PPARGC1A: variants seen among roughly 807,000 people sequenced by gnomAD.
The protein encoded by PPARGC1A is PPARG coactivator 1 alpha.
PPARGC1A carries 25 observed loss-of-function variants against 88.7 expected under a neutral mutation model. That is an observed-to-expected ratio of 0.28 (90% CI 0.21 to 0.39). The LOEUF (loss-of-function observed/expected upper bound fraction) is 0.39, where lower values mean the gene tolerates loss of function less well. Among genes scored for constraint, PPARGC1A ranks in the 10% least tolerant of loss-of-function variants. The pLI, the probability that PPARGC1A is intolerant of heterozygous loss-of-function variation, is 1.00. For synonymous variants in PPARGC1A, 363 were observed against 355.6 expected, an observed-to-expected ratio of 1.02 and a Z score of -0.24; for missense variants, 880 against 968.7, an observed-to-expected ratio of 0.91 and a Z score of 1.22.
chr4:24,088,404 A>C, the PPARGC1A span, among the ~76,000 whole-genome samples: 1 of 151,986 alleles, frequency 6.6e-6, no homozygotes, highest in Non-Finnish European at 1.5e-5. Flanking sequence ...AGAAGAAGGA[A>C]AAAAGGAAGC....
At chr4:24,446,023 G>A in the PPARGC1A span, among the ~76,000 whole-genome samples, 8 of 152,022 alleles carry the variant, frequency 5.3e-5, no homozygotes, top group South Asian at 2.1e-4. Flanking sequence ...CGGAGATCAC[G>A]TCATTGCACT....
intron 2 of PPARGC1A, among the ~76,000 whole-genome samples, chr4:23,854,914 C>T (rs756095899): frequency 8.5e-5 from 13 of 152,142 alleles, no homozygotes; most frequent in Non-Finnish European, 1.8e-4. Flanking sequence ...AAGTGATATC[C>T]TCACCCACTG....
the PPARGC1A span, among the ~76,000 whole-genome samples, chr4:24,252,977 T>C: frequency 1.3e-5 from 2 of 152,194 alleles, no homozygotes; most frequent in African/African-American, 4.8e-5. Context: ...CAGTGAATAT[T>C]CCTAACTTGG....
chr4:24,286,364 A>C, the PPARGC1A span, among the ~76,000 whole-genome samples: 4 of 152,268 alleles, frequency 2.6e-5, no homozygotes, highest in East Asian at 7.7e-4. Flanking sequence ...AGGGACTGAA[A>C]ATACCTAATA....
intron 2 of PPARGC1A, among the ~76,000 whole-genome samples, chr4:23,847,417 A>G (rs1267284590): frequency 6.6e-6 from 1 of 152,164 alleles, no homozygotes; most frequent in Admixed American, 6.5e-5. Context: ...ACCCTGTTTC[A>G]GTACTTGTGA....
the PPARGC1A span, among the ~76,000 whole-genome samples, chr4:24,336,720 T>C: frequency 6.6e-6 from 1 of 152,186 alleles, no homozygotes; most frequent in African/African-American, 2.4e-5. Flanking sequence ...ATACTTCTTT[T>C]GGTAGATAGC....
the PPARGC1A span, among the ~76,000 whole-genome samples, chr4:24,204,643 G>C: frequency 1.3e-5 from 2 of 152,038 alleles, no homozygotes; most frequent in Non-Finnish European, 2.9e-5. Context: ...GTAAATATCA[G>C]AGTGAGTGCC....
the PPARGC1A span, among the ~76,000 whole-genome samples, chr4:23,940,935 A>G: frequency 5.9e-5 from 9 of 152,260 alleles, no homozygotes; most frequent in Non-Finnish European, 1.2e-4. Context: ...AGAAGTATCC[A>G]AAACCATAAG....
chr4:24,337,908 AC>A, the PPARGC1A span, among the ~76,000 whole-genome samples: 1 of 151,854 alleles, frequency 6.6e-6, no homozygotes, highest in African/African-American at 2.4e-5. Context: ...GAGAGGTGCA[AC>A]CCCTTCTCAA....
the PPARGC1A span, among the ~76,000 whole-genome samples, chr4:24,009,149 A>AG: frequency 3.5e-5 from 3 of 86,068 alleles, no homozygotes; most frequent in African/African-American, 9.6e-5. Flanking sequence ...AAAAAAAAAA[A>AG]AAGAGAGAGA....
chr4:24,204,905 C>A, the PPARGC1A span, among the ~76,000 whole-genome samples: 3 of 152,152 alleles, frequency 2.0e-5, no homozygotes, highest in African/African-American at 7.2e-5. Flanking sequence ...CTCACCGCAA[C>A]CTCTACCTCA....
intron 2 of PPARGC1A, among the ~76,000 whole-genome samples, chr4:23,852,590 T>C (rs969806638): frequency 6.6e-6 from 1 of 152,146 alleles, no homozygotes; most frequent in Non-Finnish European, 1.5e-5. Flanking sequence ...TTTTTCTACC[T>C]CCACATTTTG....
the PPARGC1A span, among the ~76,000 whole-genome samples, chr4:24,359,028 G>T: frequency 1.3e-5 from 2 of 152,240 alleles, no homozygotes; most frequent in East Asian, 3.9e-4. Context: ...CATTTCTGTT[G>T]GTATTGACTT....
the PPARGC1A span, among the ~76,000 whole-genome samples, chr4:24,265,018 G>T: frequency 0.44 from 66,684 of 152,078 alleles, 15,556 homozygotes; most frequent in Non-Finnish European, 0.52. Context: ...AACAATGTAT[G>T]ACATTGTATA....
At chr4:24,176,926 G>C in the PPARGC1A span, among the ~76,000 whole-genome samples, 2 of 152,188 alleles carry the variant, frequency 1.3e-5, no homozygotes, top group Non-Finnish European at 2.9e-5. Flanking sequence ...ATTCTCTGCT[G>C]TCTCAACACC....
the PPARGC1A span, among the ~76,000 whole-genome samples, chr4:24,444,711 T>C: frequency 2.0e-4 from 31 of 152,180 alleles, no homozygotes; most frequent in Non-Finnish European, 4.4e-4. Context: ...GATTCTGGGA[T>C]AGTAGCCTGA....
At chr4:23,932,348 G>A in the PPARGC1A span, among the ~76,000 whole-genome samples, 2 of 151,918 alleles carry the variant, frequency 1.3e-5, no homozygotes, top group African/African-American at 2.4e-5. Flanking sequence ...CTGCCTCCAG[G>A]GAGCTAATGC....
At chr4:24,400,191 T>A in the PPARGC1A span, among the ~76,000 whole-genome samples, 1 of 152,210 alleles carries the variant, frequency 6.6e-6, no homozygotes, top group Non-Finnish European at 1.5e-5. Context: ...GATTGGGGGA[T>A]ACAAAGTATT....
the PPARGC1A span, among the ~76,000 whole-genome samples, chr4:24,396,089 T>G: frequency 3.3e-5 from 5 of 151,924 alleles, no homozygotes; most frequent in Admixed American, 2.6e-4. Flanking sequence ...TGATCCCACA[T>G]CTCCTGGGGC....
Sources: allele counts gnomAD v4.1 joint callset (sites outside exome capture counted in the v4.1 genomes callset), GRCh38; gene constraint gnomAD v4.1.1; transcripts MANE v1.5; gene names NCBI Gene and HGNC (gene_info 2026-07-23, HGNC 2026-07-21).